The following ANKRD30BL variants were observed in gnomAD, a reference collection of about 807,000 sequenced individuals.
The protein encoded by ANKRD30BL is ankyrin repeat domain 30B like.
ANKRD30BL carries 20 observed loss-of-function variants against 18.4 expected under a neutral mutation model. The ratio of observed to expected loss-of-function variants is 1.09; its 90% CI spans 0.77 to 1.58. ANKRD30BL has a LOEUF of 1.58. Among genes scored for constraint, ANKRD30BL ranks in the 40% most tolerant of loss-of-function variants. ANKRD30BL has a pLI of 0.00. For synonymous variants in ANKRD30BL, 72 were observed against 100.9 expected (o/e 0.71, Z 1.72); for missense variants, 224 against 268.6 (o/e 0.83, Z 1.16).
At chr2:132,234,425 T>C (rs544639633) in intron 1 of ANKRD30BL, among the ~76,000 whole-genome samples, 34 of 151,730 alleles carry the variant, frequency 2.2e-4, no homozygotes, top group African/African-American at 6.0e-4. Flanking sequence ...ATCAACAAAA[T>C]TGATAGACAG....
chr2:132,169,320 G>T (rs1688237691), intron 1 of ANKRD30BL, among the ~76,000 whole-genome samples: 1 of 152,166 alleles, frequency 6.6e-6, no homozygotes, highest in Non-Finnish European at 1.5e-5. Context: ...AAAAGACTCA[G>T]CCTTCTCAGT....
chr2:132,157,382 A>G lies in ANKRD30BL; in HGVS notation c.260T>C (p.Val87Ala). The G allele has an allele frequency of 1.3e-6, 1 of 751,708 alleles. No homozygotes were observed. Among genetic ancestry groups the G allele is most frequent in the Non-Finnish European group, 2.5e-6 (1 of 405,728 alleles). 46.6% of individuals were successfully genotyped at this position (751,708 alleles called of 1,614,324 possible). Residue 87 changes from valine to alanine, a missense_variant, in exon 2 of 6, where the codon GTA (valine) becomes GCA (alanine). Physicochemically the swap from Val to Ala is moderately conservative, Grantham distance 64. This residue lies in a region of ANKRD30BL where 131 missense variants were observed against 128.8 expected (regional missense o/e 1.02). Transcript: ENST00000409867. ...YWACANGHAE[V>A]VTLLVDRKCQ... ...CTTTCTATCTACCAGAAGTGTTACT[A>G]CTTCTGCATGGCCATTGGCACAGGC... is the stretch of plus-strand genomic sequence containing the variant.
rs530243427 is a variant in ANKRD30BL at position 132,180,329 on chromosome 2, G to C, written n.442-23183C>G. Among the ~76,000 whole-genome samples, 324 of 149,894 alleles carry C rather than the reference G, an allele frequency of 2.2e-3. 1 individual carries two copies. The highest frequency in any genetic ancestry group is 7.6e-3 in the African/African-American group (308 of 40,682). ...GTACAGTAACATGCTGTACAGATTTGTAGCCTAGGAGCAACAGGCTGCATA... is the reference window on the plus strand; with the variant it reads ...GTACAGTAACATGCTGTACAGATTTCTAGCCTAGGAGCAACAGGCTGCATA... On this transcript the variant is annotated intron_variant and non_coding_transcript_variant, in intron 1 of 4. Coordinates refer to the ANKRD30BL transcript ENST00000470729.
Position 132,148,097 on chromosome 2 carries a change from A to G in ANKRD30BL, c.*34T>C. ...CTCTTGAATTTTAAAGGATGTTTAC[A>G]GGCTAAAATCTTTGAAGAGGAATTC... On this transcript the variant is annotated 3_prime_UTR_variant, in exon 6 of 6. Transcript: ENST00000409867. The G allele has an allele frequency of 3.3e-6, 5 of 1,502,570 alleles. No homozygotes were observed. Among genetic ancestry groups the G allele is most frequent in the Non-Finnish European group, 4.6e-6 (5 of 1,097,728 alleles). The allele number at this position is 1,502,570 out of a possible 1,614,324, so 93.1% of individuals were successfully genotyped here.
chr2:132,222,880 T>A, intron 1 of ANKRD30BL, among the ~76,000 whole-genome samples: 1 of 146,538 alleles, frequency 6.8e-6, no homozygotes. Context: ...ACTGTTTTTG[T>A]AGAATCCGTA....
In ANKRD30BL at chr2:132,226,066, C is replaced by G. The variant is rs571766120; in HGVS notation, n.441+31463G>C. Among the ~76,000 whole-genome samples, 7 of 152,106 alleles carry G rather than the reference C, an allele frequency of 4.6e-5. No homozygotes were observed. In the South Asian group the frequency reaches 1.2e-3, roughly 27 times the overall value. On this transcript the variant is annotated intron_variant and non_coding_transcript_variant, in intron 1 of 4. Transcript: ENST00000470729. ...AAAACTTATTTGTGATGTCTGCATT[C>G]AACTCACAGGGTTGGACATACTTTA...
At chr2:132,213,165 C>T (rs1679401027) in intron 1 of ANKRD30BL, among the ~76,000 whole-genome samples, 1 of 151,616 alleles carries the variant, frequency 6.6e-6, no homozygotes, top group Non-Finnish European at 1.5e-5. Context: ...TATAACTAGA[C>T]AAAAGCATTC....
chr2:132,162,361 T>G (rs1688098981), upstream of ANKRD30BL, among the ~76,000 whole-genome samples: 1 of 152,184 alleles, frequency 6.6e-6, no homozygotes, highest in African/African-American at 2.4e-5. Context: ...AGGTGGCAGC[T>G]GCAGCTGAGC....
At chr2:132,174,451 C>T (rs1308778049) in intron 1 of ANKRD30BL, among the ~76,000 whole-genome samples, 3 of 152,104 alleles carry the variant, frequency 2.0e-5, no homozygotes, top group Non-Finnish European at 2.9e-5. Flanking sequence ...TCCAGAGGGA[C>T]AGCATCATAC....
intron 1 of ANKRD30BL, among the ~76,000 whole-genome samples, chr2:132,229,528 C>T (rs974406244): frequency 6.6e-6 from 1 of 152,084 alleles, no homozygotes. Flanking sequence ...TTGAACATAC[C>T]TCTTCATAGC....
chr2:132,188,514 T>C (rs191791597), intron 1 of ANKRD30BL, among the ~76,000 whole-genome samples: 11,999 of 152,126 alleles, frequency 0.079, 1,562 homozygotes, highest in African/African-American at 0.27. Flanking sequence ...CAGGAGATCA[T>C]CCTGGCTAAC....
intron 1 of ANKRD30BL, among the ~76,000 whole-genome samples, chr2:132,226,799 C>G (rs112984227): frequency 6.6e-6 from 1 of 152,050 alleles, no homozygotes; most frequent in Non-Finnish European, 1.5e-5. Flanking sequence ...TGGAAAAACT[C>G]TTTTTGTAGA....
At chr2:132,169,909 C>T (rs1688249911) in intron 1 of ANKRD30BL, among the ~76,000 whole-genome samples, 1 of 151,976 alleles carries the variant, frequency 6.6e-6, no homozygotes. Flanking sequence ...CTTGAATGTT[C>T]TCCTATAAAG....
At chr2:132,218,127 A>T (rs1679558966) in intron 1 of ANKRD30BL, among the ~76,000 whole-genome samples, 1 of 152,148 alleles carries the variant, frequency 6.6e-6, no homozygotes, top group Non-Finnish European at 1.5e-5. Context: ...CTTCACATAA[A>T]CTCTAGACAG....
rs777073534 is a variant in ANKRD30BL, at chr2:132,153,649, A to G, written c.614+1013T>C. Reference sequence around the variant, plus strand: ...CAACATTTTGCTGAAGAAGCTTGCCAACTATCTCTGATGATCCATGACATA... The same window carrying G: ...CAACATTTTGCTGAAGAAGCTTGCCGACTATCTCTGATGATCCATGACATA... On this transcript the variant is annotated intron_variant, in intron 4 of 5. Coordinates refer to ENST00000409867, the MANE Select transcript of ANKRD30BL (RefSeq NM_001358416.1). The G allele has an allele frequency of 2.4e-6, 3 of 1,233,100 alleles. No homozygotes were observed. The South Asian group carries it at 3.5e-5, about 14-fold the overall frequency. 76.4% of individuals were successfully genotyped at this position (1,233,100 alleles called of 1,614,324 possible).
intron 1 of ANKRD30BL, among the ~76,000 whole-genome samples, chr2:132,238,772 T>C (rs968536550): frequency 6.6e-6 from 1 of 151,836 alleles, no homozygotes; most frequent in African/African-American, 2.4e-5. Flanking sequence ...GAAGATTTCA[T>C]TGGAAACGGG....
chr2:132,242,266 T>C (rs1208374752), intron 1 of ANKRD30BL, among the ~76,000 whole-genome samples: 1 of 151,740 alleles, frequency 6.6e-6, no homozygotes, highest in Non-Finnish European at 1.5e-5. Flanking sequence ...ACTCTCAGAT[T>C]TGAAAATTCC....
intron 1 of ANKRD30BL, among the ~76,000 whole-genome samples, chr2:132,198,849 C>T (rs1679032434): frequency 6.6e-6 from 1 of 151,964 alleles, no homozygotes; most frequent in Non-Finnish European, 1.5e-5. Context: ...AAATCCTGAC[C>T]TCAGGTGATC....
intron 1 of ANKRD30BL, among the ~76,000 whole-genome samples, chr2:132,237,129 G>A (rs1222520487): frequency 6.6e-6 from 1 of 151,568 alleles, no homozygotes. Context: ...ATGTTGTGAG[G>A]TGGGGGGAGG....
Sources: gnomAD v4.1 joint callset for allele counts (sites outside exome capture counted in the v4.1 genomes callset) on GRCh38, gnomAD v4.1.1 for gene constraint, gnomAD v4.1.1 regional missense constraint, MANE v1.5 for transcripts, NCBI Gene and HGNC (gene_info 2026-07-23, HGNC 2026-07-21) for gene names.